The following TLCD4 variants were observed in gnomAD, a reference collection of about 807,000 sequenced individuals.
TLCD4 encodes TLC domain-containing protein 4.
Under a neutral mutation model 24.2 loss-of-function variants are expected in TLCD4, and 7 were observed. The ratio of observed to expected loss-of-function variants is 0.29; its 90% confidence interval spans 0.16 to 0.54. TLCD4 has a LOEUF of 0.54. Among genes scored for constraint, TLCD4 ranks in the 20% least tolerant of loss-of-function variants. The probability of loss-of-function intolerance (pLI) is 0.95; values close to 1 mark genes in which losing one functional copy is unlikely to be tolerated. For missense variants in TLCD4, 259 were observed against 313.9 expected, an observed-to-expected ratio of 0.82 and a Z score of 1.32; for synonymous variants, 103 against 106.4, an observed-to-expected ratio of 0.97 and a Z score of 0.20.
intron 6 of TLCD4, among the ~76,000 whole-genome samples, chr1:95,187,988 T>C (rs1394859984): frequency 1.3e-5 from 2 of 152,160 alleles, no homozygotes; most frequent in Non-Finnish European, 2.9e-5. Context: ...TTAAGGGCAC[T>C]GGTCCTATTG....
At chr1:95,135,253 C>G (rs1440274448) in intron 1 of TLCD4, among the ~76,000 whole-genome samples, 2 of 152,186 alleles carry the variant, frequency 1.3e-5, no homozygotes, top group Non-Finnish European at 2.9e-5. Context: ...CTTCTGCAGA[C>G]AACCCTCCCA....
intron 6 of TLCD4, among the ~76,000 whole-genome samples, chr1:95,187,499 T>A (rs1333242020): frequency 6.6e-6 from 1 of 152,152 alleles, no homozygotes; most frequent in Non-Finnish European, 1.5e-5. Context: ...GTTTGTCTGA[T>A]GTTTTTCTCA....
intron 6 of TLCD4, among the ~76,000 whole-genome samples, chr1:95,190,362 G>C (rs1017643925): frequency 6.6e-6 from 1 of 151,634 alleles, no homozygotes; most frequent in African/African-American, 2.4e-5. Context: ...ATGGAATCTT[G>C]CTCTGTCGCC....
chr1:95,181,046 G>A (rs1025329917), intron 6 of TLCD4, among the ~76,000 whole-genome samples: 3 of 152,164 alleles, frequency 2.0e-5, no homozygotes, highest in Non-Finnish European at 2.9e-5. Context: ...GCAGTGAGCC[G>A]AGATCACGCT....
chr1:95,155,245 A>C (rs1677600993), intron 5 of TLCD4, among the ~76,000 whole-genome samples: 1 of 152,098 alleles, frequency 6.6e-6, no homozygotes, highest in South Asian at 2.1e-4. Context: ...GCTTGCTAAA[A>C]GGAGAATTTT....
At chr1:95,184,755 T>A (rs1020980139) in intron 6 of TLCD4, among the ~76,000 whole-genome samples, 1 of 152,208 alleles carries the variant, frequency 6.6e-6, no homozygotes, top group African/African-American at 2.4e-5. Context: ...ATTCAGTACA[T>A]ACCTTCACAA....
At chr1:95,108,895 G>T in the TLCD4 span, among the ~76,000 whole-genome samples, 1 of 152,050 alleles carries the variant, frequency 6.6e-6, no homozygotes, top group East Asian at 1.9e-4. Flanking sequence ...ATATACAGAA[G>T]GTTATTCCTT....
chr1:95,094,588 T>C, the TLCD4 span, among the ~76,000 whole-genome samples: 3 of 152,194 alleles, frequency 2.0e-5, no homozygotes, highest in Admixed American at 1.3e-4. Flanking sequence ...TGTATGCCAC[T>C]GCACAGGTTA....
intron 1 of TLCD4, among the ~76,000 whole-genome samples, chr1:95,128,409 A>AT (rs1380409303): frequency 6.6e-6 from 1 of 152,354 alleles, no homozygotes; most frequent in East Asian, 1.9e-4. Flanking sequence ...GTCAGATTTA[A>AT]TTTATTTTTA....
intron 5 of TLCD4, among the ~76,000 whole-genome samples, chr1:95,151,833 G>A: frequency 6.6e-6 from 1 of 152,082 alleles, no homozygotes; most frequent in Non-Finnish European, 1.5e-5. Flanking sequence ...TAAGTAGGTT[G>A]GAGCAGTGGA....
chr1:95,129,480 G>T (rs553938099), intron 1 of TLCD4, among the ~76,000 whole-genome samples: 1 of 152,042 alleles, frequency 6.6e-6, no homozygotes, highest in East Asian at 1.9e-4. Flanking sequence ...GGTAGCTCAC[G>T]CCTGTAATTC....
intron 5 of TLCD4, among the ~76,000 whole-genome samples, chr1:95,161,498 C>T (rs935594010): frequency 2.6e-5 from 4 of 152,128 alleles, no homozygotes; most frequent in East Asian, 3.9e-4. Context: ...GTGTCTCTAT[C>T]TCCTTCAGTT....
At position 95,132,615 on chromosome 1, in the gene TLCD4, C is replaced by T. The variant is rs560612916; in HGVS notation, c.-11-11276C>T. Among the ~76,000 whole-genome samples the T allele has an allele frequency of 3.3e-5, 5 of 152,198 alleles. No homozygotes were observed. In the South Asian group the frequency reaches 1.0e-3, roughly 32 times the overall value. On this transcript the variant is annotated intron_variant, in intron 1 of 6. Transcript: ENST00000370203. ...AGCTTGGTTTGAGATGCCTTTGAGA[C>T]ACTGTGTAGTAATATCAAGTAGCAG... is the stretch of plus-strand genomic sequence containing the variant.
chr1:95,171,504 CAT>C (rs1678221781), intron 5 of TLCD4, among the ~76,000 whole-genome samples: 1 of 152,130 alleles, frequency 6.6e-6, no homozygotes. Context: ...TTTGTATTGA[CAT>C]AGTGTTAGTT....
chr1:95,165,767 A>G (rs1325567058), intron 5 of TLCD4, among the ~76,000 whole-genome samples: 4 of 152,172 alleles, frequency 2.6e-5, no homozygotes, highest in African/African-American at 9.7e-5. Context: ...CGCCTGGCCT[A>G]GTATATGTAT....
intron 1 of TLCD4, among the ~76,000 whole-genome samples, chr1:95,124,776 A>G (rs1005963092): frequency 6.6e-6 from 1 of 152,200 alleles, no homozygotes; most frequent in Non-Finnish European, 1.5e-5. Context: ...GTAACTTTTG[A>G]AATCAGAAAT....
At chr1:95,154,474 A>G (rs1557686438) in intron 5 of TLCD4, among the ~76,000 whole-genome samples, 1 of 152,190 alleles carries the variant, frequency 6.6e-6, no homozygotes, top group Non-Finnish European at 1.5e-5. Context: ...CCCAGTATCT[A>G]TAAGGCACAG....
intron 6 of TLCD4, among the ~76,000 whole-genome samples, chr1:95,187,104 CTT>C (rs1678852898): frequency 6.6e-6 from 1 of 152,110 alleles, no homozygotes; most frequent in African/African-American, 2.4e-5. Flanking sequence ...TGTTCACTGA[CTT>C]TTTAAAAACC....
chr1:95,171,578 G>A (rs1344478629), intron 5 of TLCD4, among the ~76,000 whole-genome samples: 1 of 152,128 alleles, frequency 6.6e-6, no homozygotes, highest in African/African-American at 2.4e-5. Flanking sequence ...ATGAAAATGA[G>A]AACAGTTATG....
Sources: gnomAD v4.1 joint callset for allele counts (sites outside exome capture counted in the v4.1 genomes callset) on GRCh38, gnomAD v4.1.1 for gene constraint, MANE v1.5 for transcripts, NCBI Gene and HGNC (gene_info 2026-07-23, HGNC 2026-07-21) for gene names.